Variants in LRRC31 observed in about 807,000 individuals in gnomAD.
LRRC31 encodes the protein leucine rich repeat containing 31.
In LRRC31, 35 loss-of-function variants were observed where a neutral mutation model predicts 46.7. That is an observed-to-expected ratio of 0.75 (90% CI 0.57 to 0.99). The LOEUF (loss-of-function observed/expected upper bound fraction) is 0.99, where lower values mean the gene tolerates loss of function less well. LRRC31 is among the 50% of genes least tolerant of loss of function. LRRC31 has a pLI of 0.00. For synonymous variants in LRRC31, 236 were observed against 235.1 expected, an observed-to-expected ratio of 1.00 and a Z score of -0.03; for missense variants, 613 against 626.1, an observed-to-expected ratio of 0.98 and a Z score of 0.22.
intron 1 of LRRC31, among the ~76,000 whole-genome samples, chr3:169,865,839 G>A (rs1358763086): frequency 6.6e-6 from 1 of 152,058 alleles, no homozygotes; most frequent in Non-Finnish European, 1.5e-5. Flanking sequence ...TGGACATGAG[G>A]GAGGGATAAG....
At chr3:169,845,951 T>C (rs1780591790) in intron 8 of LRRC31, among the ~76,000 whole-genome samples, 1 of 152,198 alleles carries the variant, frequency 6.6e-6, no homozygotes, top group South Asian at 2.1e-4. Flanking sequence ...GCAAATTATA[T>C]TTCTGATAAA....
rs1445168159 is a variant in LRRC31, at chr3:169,860,575, T to C, written c.473A>G (p.Asp158Gly). ...RLGSCRLTTD[D>G]VQALGEAFEM... The stretch of plus-strand genomic sequence containing the variant: ...ATTCATCATACCCAGTGCTTGAACA[T>C]CGTCAGTGGTGAGTCTGCAGCTACC... Residue 158 changes from aspartate to glycine, a missense_variant, in exon 3 of 9, where the codon GAT becomes GGT. Coordinates refer to ENST00000316428, the MANE Select transcript of LRRC31 (RefSeq NM_024727.4). 3 of 1,613,946 alleles carry C rather than the reference T, an allele frequency of 1.9e-6. No homozygotes were observed. The highest frequency in any genetic ancestry group is 2.2e-5 in the East Asian group (1 of 44,880).
chr3:169,851,856 C>G, intron 6 of LRRC31, 70 bp from the exon 7 acceptor site: 1 of 1,494,026 alleles, frequency 6.7e-7, no homozygotes, highest in Non-Finnish European at 9.3e-7. Context: ...TGTTTGGTTC[C>G]CACAATCTGT....
chr3:169,861,831 A>G lies in LRRC31; in HGVS notation c.176-18T>C. 6.2e-7 allele frequency: 1 copy of G among 1,609,908 alleles called. No homozygotes were observed. The highest frequency in any genetic ancestry group is 8.5e-7 in the Non-Finnish European group (1 of 1,178,258). ...AGGCTTAGCTGTGTGATAAGCATAA[A>G]AAAGAATTTGCTGTTAATGATGGAT... On this transcript the variant is annotated intron_variant, in intron 1 of 8. Coordinates refer to ENST00000316428, the MANE Select transcript of LRRC31 (RefSeq NM_024727.4).
intron 8 of LRRC31, among the ~76,000 whole-genome samples, chr3:169,844,930 C>CAAA (rs59099192): frequency 4.0e-5 from 4 of 99,594 alleles, no homozygotes; most frequent in South Asian, 3.1e-4. Context: ...GACTCCATCT[C>CAAA]AAAAAAAAAA....
At chr3:169,862,783 A>T (rs371185245) in intron 1 of LRRC31, among the ~76,000 whole-genome samples, 14 of 151,550 alleles carry the variant, frequency 9.2e-5, no homozygotes, top group East Asian at 7.7e-4. Context: ...AATAAATAAA[A>T]AAGATAGCAC....
intron 1 of LRRC31, among the ~76,000 whole-genome samples, chr3:169,865,207 G>A (rs1357488919): frequency 2.7e-5 from 4 of 150,426 alleles, no homozygotes; most frequent in Non-Finnish European, 5.9e-5. Context: ...CCGAGATTGC[G>A]CCACTGTAGT....
intron 7 of LRRC31, 80 bp from the exon 8 acceptor site, chr3:169,848,367 T>A: frequency 7.6e-7 from 1 of 1,316,642 alleles, no homozygotes. Context: ...GAAACTGGTC[T>A]AGGACAACAC....
intron 7 of LRRC31, among the ~76,000 whole-genome samples, 179 bp from the exon 8 acceptor site, chr3:169,848,466 T>C (rs903445450): frequency 6.6e-5 from 10 of 152,122 alleles, no homozygotes; most frequent in Non-Finnish European, 1.3e-4. Context: ...TGTTTTTTGT[T>C]TTTTGTTTTG....
chr3:169,843,406 C>T (rs1780510419), intron 8 of LRRC31, among the ~76,000 whole-genome samples: 1 of 152,188 alleles, frequency 6.6e-6, no homozygotes, highest in Non-Finnish European at 1.5e-5. Flanking sequence ...AGAACTCAGC[C>T]AGGCTGACAC....
At position 169,856,750 on chromosome 3, in the gene LRRC31, C is replaced by G. The variant is rs1236507690; in HGVS notation, c.610G>C (p.Glu204Gln). 3 of 1,606,744 alleles carry G rather than the reference C, an allele frequency of 1.9e-6. No individual in the cohort carries two copies. In the African/African-American group the frequency reaches 4.0e-5, roughly 22 times the overall value. Residue 204 changes from glutamate to glutamine, a missense_variant, in exon 4 of 9, where the codon GAG becomes CAG. Physicochemically the swap from Glu to Gln is conservative, Grantham distance 29. Coordinates refer to ENST00000316428, the MANE Select transcript of LRRC31 (RefSeq NM_024727.4). Reference sequence around the variant, plus strand: ...GACGTGAGGGAGCAATCCACAAGCTCAATCATTTGTATCTTGCTCCCTTTT... The same window carrying G: ...GACGTGAGGGAGCAATCCACAAGCTGAATCATTTGTATCTTGCTCCCTTTT... ...FQKGSKIQMI[E>Q]LVDCSLTSED... is the part of the protein sequence containing the mutation.
chr3:169,866,715 T>C (rs1781343168), intron 1 of LRRC31, among the ~76,000 whole-genome samples: 1 of 152,154 alleles, frequency 6.6e-6, no homozygotes, highest in African/African-American at 2.4e-5. Context: ...ATCCCAGTAC[T>C]TTGGGAGGCC....
chr3:169,868,496 T>A (rs780087386), intron 1 of LRRC31, among the ~76,000 whole-genome samples: 3 of 152,210 alleles, frequency 2.0e-5, no homozygotes, highest in Non-Finnish European at 4.4e-5. Flanking sequence ...TGAAGTTATA[T>A]CTGCATTTGG....
chr3:169,857,345 TACACACACACAC>T (rs1180073387), intron 3 of LRRC31, among the ~76,000 whole-genome samples: 1 of 89,452 alleles, frequency 1.1e-5, no homozygotes, highest in Non-Finnish European at 2.1e-5. Flanking sequence ...TATATATATA[TACACACACACAC>T]ACACACACAC....
chr3:169,848,185 G>A lies in LRRC31; in HGVS notation c.1262C>T (p.Ser421Phe). 1 of 1,614,168 alleles carries A rather than the reference G, an allele frequency of 6.2e-7. No homozygotes were observed. The highest frequency in any genetic ancestry group is 8.5e-7 in the Non-Finnish European group (1 of 1,180,028). ...CAGCCTCAGCACTTGAAGAGACATG[G>A]AAAGCTTTAGTGTTTCCAGAAGCAG... Reference protein sequence around the residue: ...LKLLLETLKLSMSLQVLRLSS... With the variant: ...LKLLLETLKLFMSLQVLRLSS... The change falls in exon 8 of 9, where the codon TCC becomes TTC. Residue 421 changes from serine (S) to phenylalanine (F), a missense_variant. Coordinates refer to ENST00000316428, the MANE Select transcript of LRRC31 (RefSeq NM_024727.4).
chr3:169,851,879 T>C, intron 6 of LRRC31, 93 bp from the exon 7 acceptor site: 1 of 1,254,416 alleles, frequency 8.0e-7, no homozygotes, highest in South Asian at 1.3e-5. Context: ...AATCTGTCAG[T>C]CAATACAGCT....
chr3:169,845,280 T>C (rs1780570266), intron 8 of LRRC31, among the ~76,000 whole-genome samples: 1 of 152,148 alleles, frequency 6.6e-6, no homozygotes, highest in Non-Finnish European at 1.5e-5. Flanking sequence ...AGATGTCATT[T>C]CTCCCTGAAT....
In LRRC31 at chr3:169,860,577, G is replaced by C. The variant is rs758093074; in HGVS notation, c.471C>G (p.Asp157Glu). ...TCATCATACCCAGTGCTTGAACATC[G>C]TCAGTGGTGAGTCTGCAGCTACCCA... ...LRLGSCRLTT[D>E]DVQALGEAFE... is the part of the protein sequence containing the mutation. The change falls in exon 3 of 9, where the codon GAC (aspartate) becomes GAG (glutamate). Residue 157 changes from aspartate (D) to glutamate (E), a missense_variant. Asp to Glu is a conservative substitution (Grantham distance 45). Transcript: ENST00000316428. 1.2e-6 allele frequency: 2 copies of C among 1,614,040 alleles called. No homozygotes were observed. The highest frequency in any genetic ancestry group is 1.7e-6 in the Non-Finnish European group (2 of 1,179,984).
intron 1 of LRRC31, among the ~76,000 whole-genome samples, chr3:169,863,909 AAC>A (rs1405645523): frequency 6.6e-6 from 1 of 152,178 alleles, no homozygotes; most frequent in Non-Finnish European, 1.5e-5. Context: ...ACGAGTCACA[AAC>A]CATTTCATAG....
Sources: allele counts gnomAD v4.1 joint callset (sites outside exome capture counted in the v4.1 genomes callset), GRCh38; gene constraint gnomAD v4.1.1; transcripts MANE v1.5; gene names NCBI Gene and HGNC (gene_info 2026-07-23, HGNC 2026-07-21).